Variants in SPPL2A observed in about 807,000 individuals in gnomAD.
SPPL2A encodes signal peptide peptidase like 2A.
SPPL2A carries 51 observed loss-of-function variants against 63.8 expected under a neutral mutation model. The ratio of observed to expected loss-of-function variants is 0.80; its 90% CI spans 0.64 to 1.01. The LOEUF (loss-of-function observed/expected upper bound fraction) is 1.01. Among genes scored for constraint, SPPL2A ranks in the 50% least tolerant of loss-of-function variants. SPPL2A has a pLI of 0.00. For synonymous variants in SPPL2A, 188 were observed against 205.8 expected (o/e 0.91, Z 0.74); for missense variants, 553 against 622.7 (o/e 0.89, Z 1.19).
intron 13 of SPPL2A, 122 bp downstream of exon 13, chr15:50,722,002 T>C (rs1347686433): frequency 5.0e-6 from 3 of 600,124 alleles, no homozygotes; most frequent in Non-Finnish European, 8.9e-6. Context: ...GCCCCCAAAG[T>C]GCTAGGACTC....
chr15:50,704,681 AATCTT>A lies in SPPL2A; in HGVS notation c.*3114_*3118del, dbSNP rs1256119857. 2.0e-5 allele frequency: 3 copies of A among 152,250 alleles called. No individual in the cohort carries two copies. Among genetic ancestry groups the A allele is most frequent in the Non-Finnish European group, 2.9e-5 (2 of 68,010 alleles). 9.4% of individuals were successfully genotyped at this position (152,250 alleles called of 1,614,324 possible). ...ATGGCAGCTTTTTAAGTGAAATTTT[AATCTT>A]ATCTATCTTTTGTTCATTTTGAGTC... On this transcript the variant is annotated 3_prime_UTR_variant, in exon 15 of 15. Coordinates refer to ENST00000261854, the MANE Select transcript of SPPL2A (RefSeq NM_032802.4).
rs2062890455 is a variant in SPPL2A, at chr15:50,749,617, G to C, written c.177+19C>G. ...TTCACTATTTTTATGTTTATGAATAGTAACTGTGATTTACTTACTGCATTT... is the reference window on the plus strand; with the variant it reads ...TTCACTATTTTTATGTTTATGAATACTAACTGTGATTTACTTACTGCATTT... On this transcript the variant is annotated intron_variant, in intron 2 of 14. Coordinates refer to ENST00000261854, the MANE Select transcript of SPPL2A (RefSeq NM_032802.4). 7.1e-7 allele frequency: 1 copy of C among 1,415,670 alleles called. No individual in the cohort carries two copies. Among genetic ancestry groups the C allele is most frequent in the Non-Finnish European group, 1.0e-6 (1 of 999,390 alleles). 87.7% of individuals were successfully genotyped at this position (1,415,670 alleles called of 1,614,324 possible). A position where few individuals can be genotyped will look rare whatever the true frequency, so the allele number is the denominator to read the frequency against.
chr15:50,720,103 G>T lies in SPPL2A; in HGVS notation c.1328-3C>A. Reference sequence around the variant, plus strand: ...AAGTATCATGCCAATAGCATAGGCTGCAAGAAGAATACCAAGCTATAAGTC... The same window carrying T: ...AAGTATCATGCCAATAGCATAGGCTTCAAGAAGAATACCAAGCTATAAGTC... On this transcript the variant is annotated splice_polypyrimidine_tract_variant and splice_region_variant and intron_variant, in intron 13 of 14. Coordinates refer to ENST00000261854, the MANE Select transcript of SPPL2A (RefSeq NM_032802.4). 6.2e-7 allele frequency: 1 copy of T among 1,601,226 alleles called. No homozygotes were observed. The highest frequency in any genetic ancestry group is 8.5e-7 in the Non-Finnish European group (1 of 1,176,008).
intron 6 of SPPL2A, 133 bp from the exon 7 acceptor site, chr15:50,736,873 G>T (rs2062775198): frequency 4.0e-6 from 2 of 493,886 alleles, no homozygotes; most frequent in Non-Finnish European, 3.6e-6. Flanking sequence ...ACGATGACCT[G>T]AATTACTTAC....
intron 1 of SPPL2A, among the ~76,000 whole-genome samples, chr15:50,757,504 A>G (rs551045481): frequency 3.3e-5 from 5 of 152,166 alleles, no homozygotes; most frequent in South Asian, 2.1e-4. Flanking sequence ...TTACAGGCCA[A>G]TTCCTTCAGA....
rs1206757649 is a variant in SPPL2A at position 50,765,568 on chromosome 15, C to A, written c.-35G>T. On this transcript the variant is annotated 5_prime_UTR_variant, in exon 1 of 15. Coordinates refer to ENST00000261854, the MANE Select transcript of SPPL2A (RefSeq NM_032802.4). The stretch of plus-strand genomic sequence containing the variant: ...GGGTGCCGGGTGGGACGGCACGGTG[C>A]GGCGCAGCTCACTCGGCGGGGTAGG... 4 of 1,355,744 alleles carry A rather than the reference C, an allele frequency of 3.0e-6. No homozygotes were observed. In the African/African-American group the frequency reaches 4.6e-5, roughly 16 times the overall value. 84.0% of individuals were successfully genotyped at this position (1,355,744 alleles called of 1,614,324 possible).
At chr15:50,711,157 T>A (rs571721756) in intron 14 of SPPL2A, among the ~76,000 whole-genome samples, 1 of 152,194 alleles carries the variant, frequency 6.6e-6, no homozygotes, top group South Asian at 2.1e-4. Flanking sequence ...GTGTAACTAG[T>A]TTTGGGCTGT....
At chr15:50,745,770 G>A (rs1055317361) in intron 5 of SPPL2A, among the ~76,000 whole-genome samples, 3 of 152,016 alleles carry the variant, frequency 2.0e-5, no homozygotes, top group Non-Finnish European at 4.4e-5. Flanking sequence ...TAATTTTTAG[G>A]CCGGGCACGG....
intron 8 of SPPL2A, 110 bp from the exon 9 acceptor site, chr15:50,732,794 C>CTTT (rs112777727): frequency 3.6e-6 from 2 of 548,378 alleles, no homozygotes; most frequent in Non-Finnish European, 6.3e-6. Context: ...TTGACTATTC[C>CTTT]TTTTTTTTTT....
Position 50,765,460 on chromosome 15 carries a change from C to T in SPPL2A, c.66+8G>A, listed in dbSNP as rs2063051202. On this transcript the variant is annotated splice_region_variant and intron_variant, in intron 1 of 14. Coordinates refer to ENST00000261854, the MANE Select transcript of SPPL2A (RefSeq NM_032802.4). Reference sequence around the variant, plus strand: ...CTGGGAGGCCTGCGCGCCTTCCCGCCCCCTTACCAGCTGGAGCAGGAAGCC... The same window carrying T: ...CTGGGAGGCCTGCGCGCCTTCCCGCTCCCTTACCAGCTGGAGCAGGAAGCC... 1.3e-6 allele frequency: 2 copies of T among 1,501,620 alleles called. No homozygotes were observed. The highest frequency in any genetic ancestry group is 1.8e-6 in the Non-Finnish European group (2 of 1,132,892). 93.0% of individuals were successfully genotyped at this position (1,501,620 alleles called of 1,614,324 possible).
At chr15:50,708,733 C>T (rs186461583) in intron 14 of SPPL2A, among the ~76,000 whole-genome samples, 22 of 149,154 alleles carry the variant, frequency 1.5e-4, no homozygotes, top group African/African-American at 5.4e-4. Flanking sequence ...TTGCTATAGA[C>T]TATTTTAAAG....
chr15:50,724,420 C>G (rs1395316508), intron 12 of SPPL2A, among the ~76,000 whole-genome samples: 1 of 151,532 alleles, frequency 6.6e-6, no homozygotes, highest in African/African-American at 2.4e-5. Flanking sequence ...ACTAAAAATA[C>G]AAAAAAAATT....
chr15:50,756,852 T>A (rs1025655155), intron 1 of SPPL2A, among the ~76,000 whole-genome samples: 1 of 152,192 alleles, frequency 6.6e-6, no homozygotes, highest in African/African-American at 2.4e-5. Flanking sequence ...CTGGGCTCTC[T>A]AAAACCGAGA....
chr15:50,748,861 T>C lies in SPPL2A; in HGVS notation c.187A>G (p.Ser63Gly). 6.4e-7 allele frequency: 1 copy of C among 1,567,046 alleles called. No homozygotes were observed. The highest frequency in any genetic ancestry group is 8.6e-7 in the Non-Finnish European group (1 of 1,160,554). The change falls in exon 3 of 15, where the codon AGT becomes GGT. Residue 63 changes from serine (S) to glycine (G), a missense_variant. Coordinates refer to ENST00000261854, the MANE Select transcript of SPPL2A (RefSeq NM_032802.4). ...GGTGTGGAAGTCAGATTCATCAAAC[T>C]AATGGAAGTCTGAAAATAAGAAATG... ...PSTLENATSI[S>G]LMNLTSTPLC...
At chr15:50,754,890 G>A (rs985725115) in intron 1 of SPPL2A, among the ~76,000 whole-genome samples, 11 of 152,094 alleles carry the variant, frequency 7.2e-5, no homozygotes, top group African/African-American at 2.7e-4. Flanking sequence ...GCTGAGGCCG[G>A]AGAATCACTT....
At chr15:50,759,706 G>A (rs1201094521) in intron 1 of SPPL2A, among the ~76,000 whole-genome samples, 1 of 151,366 alleles carries the variant, frequency 6.6e-6, no homozygotes, top group Admixed American at 6.6e-5. Flanking sequence ...TTGCGCCACT[G>A]CACTCTAGCC....
chr15:50,722,174 A>T lies in SPPL2A; in HGVS notation c.1277T>A (p.Phe426Tyr). ...PGLLIAYCRR[F>Y]DVQTGSSYIY... is the part of the protein sequence containing the mutation. ...GTAAGAAGAACCAGTCTGAACATCA[A>T]ATCTTCTACAGTATGCAATCAACAG... Residue 426 changes from phenylalanine to tyrosine, a missense_variant, in exon 13 of 15, where the codon TTT (phenylalanine) becomes TAT (tyrosine). Transcript: ENST00000261854. 1 of 1,599,220 alleles carries T rather than the reference A, an allele frequency of 6.3e-7. No individual in the cohort carries two copies. The highest frequency in any genetic ancestry group is 1.1e-5 in the South Asian group (1 of 90,874).
At chr15:50,748,289 C>A in intron 3 of SPPL2A, 87 bp from the exon 4 acceptor site, 3 of 540,160 alleles carry the variant, frequency 5.6e-6, no homozygotes, top group East Asian at 4.1e-5. Context: ...AATATTACGT[C>A]TTTCTTTAAG....
chr15:50,715,903 A>C (rs919705519), intron 14 of SPPL2A, among the ~76,000 whole-genome samples: 1 of 152,166 alleles, frequency 6.6e-6, no homozygotes, highest in African/African-American at 2.4e-5. Context: ...CTTAAGAGAA[A>C]TTACTGGGTC....
Sources: gnomAD v4.1 joint callset for allele counts (sites outside exome capture counted in the v4.1 genomes callset) on GRCh38, gnomAD v4.1.1 for gene constraint, MANE v1.5 for transcripts, NCBI Gene and HGNC (gene_info 2026-07-23, HGNC 2026-07-21) for gene names.